Variants in HS6ST3 observed in about 807,000 individuals in gnomAD.
HS6ST3 encodes heparan-sulfate 6-O-sulfotransferase 3.
In HS6ST3, 12 loss-of-function variants were observed where a neutral mutation model predicts 36.7. The observed-to-expected ratio is 0.33, with a 90% CI of 0.21 to 0.53. HS6ST3 has a LOEUF of 0.53. HS6ST3 is among the 20% of genes least tolerant of loss of function. The pLI, the probability that HS6ST3 is intolerant of heterozygous loss-of-function variation, is 0.95. For synonymous variants in HS6ST3, 240 were observed against 257.5 expected, an observed-to-expected ratio of 0.93 and a Z score of 0.65; for missense variants, 584 against 640.9, an observed-to-expected ratio of 0.91 and a Z score of 0.96.
chr13:96,454,345 A>G (rs2055744527), intron 1 of HS6ST3, among the ~76,000 whole-genome samples: 1 of 152,138 alleles, frequency 6.6e-6, no homozygotes, highest in South Asian at 2.1e-4. Flanking sequence ...GAGAGTGACT[A>G]TGTATAATAG....
At chr13:96,795,159 T>G (rs1877879519) in intron 1 of HS6ST3, among the ~76,000 whole-genome samples, 1 of 151,798 alleles carries the variant, frequency 6.6e-6, no homozygotes, top group South Asian at 2.1e-4. Flanking sequence ...CCTTTCACTC[T>G]TTTTTTTAAA....
chr13:96,363,558 A>C (rs1476971868), intron 1 of HS6ST3, among the ~76,000 whole-genome samples: 2 of 152,348 alleles, frequency 1.3e-5, no homozygotes, highest in Admixed American at 1.3e-4. Context: ...CTTTATGCCA[A>C]TCCATACTAC....
At chr13:96,772,397 G>C (rs572798525) in intron 1 of HS6ST3, among the ~76,000 whole-genome samples, 16 of 152,248 alleles carry the variant, frequency 1.1e-4, no homozygotes, top group Non-Finnish European at 1.8e-4. Context: ...AGAGAGCAAG[G>C]TTATATTGAG....
chr13:96,368,514 A>ATTTT (rs1566339714), intron 1 of HS6ST3, among the ~76,000 whole-genome samples: 6 of 148,980 alleles, frequency 4.0e-5, no homozygotes, highest in South Asian at 2.1e-4. Flanking sequence ...TTTTTTTTTA[A>ATTTT]AAAAAAAACA....
At chr13:96,562,720 A>C (rs536750827) in intron 1 of HS6ST3, among the ~76,000 whole-genome samples, 11 of 152,186 alleles carry the variant, frequency 7.2e-5, no homozygotes, top group African/African-American at 2.6e-4. Context: ...AGTTCCTGTA[A>C]AATAATCAGC....
intron 1 of HS6ST3, among the ~76,000 whole-genome samples, chr13:96,152,584 G>C (rs368613186): frequency 6.6e-6 from 1 of 151,990 alleles, no homozygotes; most frequent in East Asian, 1.9e-4. Context: ...CGATCCGCCC[G>C]CCTTGACCTC....
chr13:96,624,992 G>A (rs1594821164), intron 1 of HS6ST3, among the ~76,000 whole-genome samples: 1 of 152,192 alleles, frequency 6.6e-6, no homozygotes, highest in Non-Finnish European at 1.5e-5. Flanking sequence ...GCAGGCAGTG[G>A]AAGAAAGCAG....
At chr13:96,158,422 C>T (rs1031398364) in intron 1 of HS6ST3, among the ~76,000 whole-genome samples, 1 of 151,816 alleles carries the variant, frequency 6.6e-6, no homozygotes, top group African/African-American at 2.4e-5. Context: ...AAACAAAGGC[C>T]AAAGAAGGAA....
chr13:96,519,829 T>C (rs1037222174), intron 1 of HS6ST3, among the ~76,000 whole-genome samples: 2 of 152,194 alleles, frequency 1.3e-5, no homozygotes, highest in Non-Finnish European at 2.9e-5. Flanking sequence ...TCTGCTGGGG[T>C]TACCTCCATA....
chr13:96,195,659 C>T lies in HS6ST3; in HGVS notation c.707+104090C>T, dbSNP rs144716855. ...GGAGTGAGCTCTTCAGCTTGGTAGC[C>T]GACACCATGCACTCAGTAGCAAGCA... On this transcript the variant is annotated intron_variant, in intron 1 of 1. Transcript: ENST00000376705. 1.7e-4 allele frequency among the ~76,000 whole-genome samples: 26 copies of T among 152,206 alleles called. No individual in the cohort carries two copies. In the East Asian group the frequency reaches 3.9e-3, roughly 23 times the overall value.
At chr13:96,233,778 C>G (rs139131306) in intron 1 of HS6ST3, among the ~76,000 whole-genome samples, 1 of 151,688 alleles carries the variant, frequency 6.6e-6, no homozygotes, top group African/African-American at 2.4e-5. Flanking sequence ...TGACTTGGTA[C>G]CTGAAGTTTA....
intron 1 of HS6ST3, among the ~76,000 whole-genome samples, chr13:96,725,257 T>A (rs1875973893): frequency 6.6e-6 from 1 of 152,236 alleles, no homozygotes; most frequent in Non-Finnish European, 1.5e-5. Flanking sequence ...TTTTTACATA[T>A]TTTAGACACA....
At chr13:96,826,917 C>G (rs1878661276) in intron 1 of HS6ST3, among the ~76,000 whole-genome samples, 1 of 152,146 alleles carries the variant, frequency 6.6e-6, no homozygotes, top group African/African-American at 2.4e-5. Flanking sequence ...CATCATAACC[C>G]TCATGGCCAC....
chr13:96,225,712 A>T (rs2054477233), intron 1 of HS6ST3, among the ~76,000 whole-genome samples: 1 of 152,162 alleles, frequency 6.6e-6, no homozygotes, highest in South Asian at 2.1e-4. Context: ...TGTGTTATTT[A>T]TCTGGCAATT....
intron 1 of HS6ST3, among the ~76,000 whole-genome samples, chr13:96,652,466 T>C (rs1016687888): frequency 6.6e-6 from 1 of 152,024 alleles, no homozygotes; most frequent in Non-Finnish European, 1.5e-5. Context: ...TCTGTTTGTC[T>C]GCCTCTTGCT....
intron 1 of HS6ST3, among the ~76,000 whole-genome samples, chr13:96,149,709 T>C (rs959534840): frequency 6.6e-6 from 1 of 152,216 alleles, no homozygotes; most frequent in Non-Finnish European, 1.5e-5. Context: ...AAATTTTATG[T>C]CCATGACAGA....
At position 96,192,769 on chromosome 13, in the gene HS6ST3, TACTC is replaced by T. The variant is rs747730259; in HGVS notation, c.707+101202_707+101205del. ...AAAGGTTTATTCTACTTTGGGTAGATACTCAATAATGGGATTATTGGATCAAATA... is the reference window on the plus strand; with the variant it reads ...AAAGGTTTATTCTACTTTGGGTAGATAATAATGGGATTATTGGATCAAATA... On this transcript the variant is annotated intron_variant, in intron 1 of 1. Transcript: ENST00000376705. Among the ~76,000 whole-genome samples the T allele has an allele frequency of 7.2e-5, 11 of 152,130 alleles. No homozygotes were observed. In the East Asian group the frequency reaches 1.2e-3, roughly 16 times the overall value.
At chr13:96,295,717 G>A (rs1254968534) in intron 1 of HS6ST3, among the ~76,000 whole-genome samples, 1 of 152,082 alleles carries the variant, frequency 6.6e-6, no homozygotes, top group Non-Finnish European at 1.5e-5. Context: ...CAGTTTTGGT[G>A]TCTGGTAAGT....
chr13:96,328,712 G>A, intron 1 of HS6ST3, among the ~76,000 whole-genome samples: 1 of 152,124 alleles, frequency 6.6e-6, no homozygotes, highest in East Asian at 1.9e-4. Flanking sequence ...AGTTAGGGAG[G>A]ATTCCCTCTT....
Sources: gnomAD v4.1 joint callset for allele counts (sites outside exome capture counted in the v4.1 genomes callset) on GRCh38, gnomAD v4.1.1 for gene constraint, MANE v1.5 for transcripts, NCBI Gene and HGNC (gene_info 2026-07-23, HGNC 2026-07-21) for gene names.